N4BP1: variants seen among roughly 807,000 people sequenced by gnomAD.
N4BP1 encodes the protein NEDD4-binding protein 1.
A neutral mutation model predicts 70.9 loss-of-function variants in N4BP1; 21 were observed. The ratio of observed to expected loss-of-function variants is 0.30; its 90% CI spans 0.21 to 0.43. The LOEUF (loss-of-function observed/expected upper bound fraction) is 0.43, where lower values mean the gene tolerates loss of function less well. N4BP1 is among the 20% of genes least tolerant of loss of function. The probability of loss-of-function intolerance (pLI) is 1.00; values close to 1 mark genes in which losing one functional copy is unlikely to be tolerated. For missense variants in N4BP1, 936 were observed against 1,069.4 expected (o/e 0.88, Z 1.74); for synonymous variants, 387 against 394.6 (o/e 0.98, Z 0.23).
intron 2 of N4BP1, among the ~76,000 whole-genome samples, chr16:48,558,559 C>CA (rs550149313): frequency 2.8e-4 from 42 of 152,152 alleles, no homozygotes; most frequent in Non-Finnish European, 5.6e-4. Context: ...TTAACTACCC[C>CA]AAAAGGTTTA....
intron 1 of N4BP1, among the ~76,000 whole-genome samples, chr16:48,585,884 T>C (rs562219451): frequency 1.2e-4 from 18 of 152,006 alleles, no homozygotes; most frequent in Non-Finnish European, 2.1e-4. Context: ...TTAGTAGAGA[T>C]GAGGTTTCAT....
intron 2 of N4BP1, among the ~76,000 whole-genome samples, chr16:48,559,402 A>G (rs1190707949): frequency 1.3e-5 from 2 of 152,204 alleles, no homozygotes; most frequent in African/African-American, 4.8e-5. Context: ...TTCCATGTCC[A>G]GGTGTCCTGT....
At chr16:48,563,221 G>A (rs1482250465) in intron 1 of N4BP1, among the ~76,000 whole-genome samples, 1 of 151,954 alleles carries the variant, frequency 6.6e-6, no homozygotes, top group Non-Finnish European at 1.5e-5. Flanking sequence ...TGGGAATGGT[G>A]GTGTGTGCCT....
rs535997969 is a variant in N4BP1, at chr16:48,572,445, C to T, written c.199-10001G>A. 1.1e-4 allele frequency among the ~76,000 whole-genome samples: 16 copies of T among 152,122 alleles called. No individual in the cohort carries two copies. In the East Asian group the frequency reaches 3.1e-3, roughly 29 times the overall value. ...TGATGGGGGAGGGGGGACAGGCAGG[C>T]AGTAATGTATCCAAAATTCTAAGGG... On this transcript the variant is annotated intron_variant, in intron 1 of 6. Transcript: ENST00000262384.
At chr16:48,605,810 A>G (rs1200577150) in intron 1 of N4BP1, among the ~76,000 whole-genome samples, 1 of 152,040 alleles carries the variant, frequency 6.6e-6, no homozygotes. Flanking sequence ...TCCACTGACT[A>G]CTTGCAGGTA....
intron 4 of N4BP1, among the ~76,000 whole-genome samples, chr16:48,550,128 T>A (rs1373744164): frequency 1.3e-5 from 2 of 152,204 alleles, no homozygotes; most frequent in African/African-American, 4.8e-5. Context: ...TCAAAATTCT[T>A]TAGGGCAGAA....
chr16:48,588,790 A>G lies in N4BP1; in HGVS notation c.198+20985T>C, dbSNP rs529621445. ...TAGACAGCCACATGGGGTAGTGGCT[A>G]CCATACTGGTTTGTGCAAATCCAGC... On this transcript the variant is annotated intron_variant, in intron 1 of 6. Coordinates refer to ENST00000262384, the MANE Select transcript of N4BP1 (RefSeq NM_153029.4). 9.2e-5 allele frequency among the ~76,000 whole-genome samples: 14 copies of G among 152,302 alleles called. No individual in the cohort carries two copies. In the East Asian group the frequency reaches 2.5e-3, roughly 27 times the overall value.
intron 1 of N4BP1, among the ~76,000 whole-genome samples, chr16:48,584,223 T>G (rs1300272503): frequency 6.6e-6 from 1 of 152,246 alleles, no homozygotes; most frequent in Non-Finnish European, 1.5e-5. Context: ...TTCTGTCAGA[T>G]GAGACACCTC....
chr16:48,554,493 A>G (rs1415374564), intron 2 of N4BP1, among the ~76,000 whole-genome samples: 1 of 152,234 alleles, frequency 6.6e-6, no homozygotes, highest in Non-Finnish European at 1.5e-5. Flanking sequence ...CCAGCAGTTA[A>G]TTAAACGTGG....
In N4BP1 at chr16:48,539,718, C is replaced by T. The variant is rs1343913862; in HGVS notation, c.*3186G>A. On this transcript the variant is annotated 3_prime_UTR_variant, in exon 7 of 7. Coordinates refer to ENST00000262384, the MANE Select transcript of N4BP1 (RefSeq NM_153029.4). ...AGCTGCCCTCTCCACCACCACGAGC[C>T]CCAAAGGTGGGGAAAAGTCTGCAAG... 6.6e-6 allele frequency: 1 copy of T among 152,306 alleles called. No homozygotes were observed. The highest frequency in any genetic ancestry group is 1.5e-5 in the Non-Finnish European group (1 of 68,116). 9.4% of individuals were successfully genotyped at this position (152,306 alleles called of 1,614,324 possible).
intron 2 of N4BP1, among the ~76,000 whole-genome samples, chr16:48,556,907 A>G (rs554444773): frequency 1.3e-5 from 2 of 152,354 alleles, no homozygotes; most frequent in East Asian, 3.9e-4. Context: ...CTATCACCCC[A>G]TATGTCAGGG....
intron 1 of N4BP1, among the ~76,000 whole-genome samples, chr16:48,601,371 A>G (rs1370245854): frequency 6.6e-6 from 1 of 152,228 alleles, no homozygotes; most frequent in Non-Finnish European, 1.5e-5. Context: ...AGTGCCTTTT[A>G]AAAGTTATTA....
chr16:48,600,145 G>GCACC (rs1390252410), intron 1 of N4BP1: 1 of 462,726 alleles, frequency 2.2e-6, no homozygotes, highest in Non-Finnish European at 3.9e-6. Context: ...GGTTGGTGGT[G>GCACC]ACCCATGCAG....
At position 48,553,790 on chromosome 16, in the gene N4BP1, AT is replaced by A. The variant is rs1379655746; in HGVS notation, c.1890-122del. On this transcript the variant is annotated intron_variant, in intron 2 of 6. Transcript: ENST00000262384. ...CAGTAAGAACAAAGTTTCCTTTAATATTCTTACATTTTTGGCATTTAGTTGC... is the reference window on the plus strand; with the variant it reads ...CAGTAAGAACAAAGTTTCCTTTAATATCTTACATTTTTGGCATTTAGTTGC... The A allele has an allele frequency of 2.1e-4, 187 of 903,468 alleles. 2 individuals carry two copies. In the South Asian group the frequency reaches 3.2e-3, roughly 15 times the overall value. The allele number at this position is 903,468 out of a possible 1,614,324, so 56.0% of individuals were successfully genotyped here.
chr16:48,595,245 T>C lies in N4BP1; in HGVS notation c.198+14530A>G, dbSNP rs567271301. 5.3e-5 allele frequency among the ~76,000 whole-genome samples: 8 copies of C among 152,192 alleles called. No homozygotes were observed. In the South Asian group the frequency reaches 1.7e-3, roughly 32 times the overall value. ...GGGAGGCTGAGGCGGGTGGATCATTTGAGGCCAGGAGTTCGAGACCAGCCT... is the reference window on the plus strand; with the variant it reads ...GGGAGGCTGAGGCGGGTGGATCATTCGAGGCCAGGAGTTCGAGACCAGCCT... On this transcript the variant is annotated intron_variant, in intron 1 of 6. Transcript: ENST00000262384.
At chr16:48,573,370 T>C (rs1202489952) in intron 1 of N4BP1, among the ~76,000 whole-genome samples, 2 of 152,022 alleles carry the variant, frequency 1.3e-5, no homozygotes, top group Admixed American at 6.6e-5. Flanking sequence ...GGCAGGCGGA[T>C]TGTTTGAGGT....
At chr16:48,553,052 A>G (rs1963699169) in intron 3 of N4BP1, among the ~76,000 whole-genome samples, 1 of 152,148 alleles carries the variant, frequency 6.6e-6, no homozygotes, top group Admixed American at 6.5e-5. Context: ...AACAACCTGA[A>G]GTTTCTCTAG....
At chr16:48,593,086 C>T (rs1964359933) in intron 1 of N4BP1, among the ~76,000 whole-genome samples, 2 of 152,224 alleles carry the variant, frequency 1.3e-5, no homozygotes, top group East Asian at 3.9e-4. Context: ...CTAAATATTT[C>T]ATAAACTGCC....
intron 2 of N4BP1, chr16:48,560,437 T>A: frequency 4.6e-6 from 1 of 219,240 alleles, no homozygotes; most frequent in African/African-American, 2.3e-5. Flanking sequence ...ATAATGGTAC[T>A]CACAATATTA....
Sources: allele counts gnomAD v4.1 joint callset (sites outside exome capture counted in the v4.1 genomes callset), GRCh38; gene constraint gnomAD v4.1.1; transcripts MANE v1.5; gene names NCBI Gene and HGNC (gene_info 2026-07-23, HGNC 2026-07-21).